The following CELF1 variants were observed in gnomAD, a reference collection of about 807,000 sequenced individuals.
The protein encoded by CELF1 is 50 kDa nuclear polyadenylated RNA-binding protein.
Under a neutral mutation model 61.8 loss-of-function variants are expected in CELF1, and 10 were observed. The ratio of observed to expected loss-of-function variants is 0.16; its 90% confidence interval spans 0.10 to 0.27. The LOEUF (loss-of-function observed/expected upper bound fraction) is 0.27. Among genes scored for constraint, CELF1 ranks in the 10% least tolerant of loss-of-function variants. The pLI, the probability that CELF1 is intolerant of heterozygous loss-of-function variation, is 1.00. For missense variants in CELF1, 380 were observed against 639.1 expected (o/e 0.59, Z 4.37); for synonymous variants, 236 against 225.1 (o/e 1.05, Z -0.43).
At chr11:47,488,644 TACTACTATAAA>T (rs1349724973) in intron 4 of CELF1, among the ~76,000 whole-genome samples, 182 bp downstream of exon 4, 1 of 152,182 alleles carries the variant, frequency 6.6e-6, no homozygotes, top group Non-Finnish European at 1.5e-5. Context: ...TACAAGATAT[TACTACTATAAA>T]AGGACAGATT....
intron 6 of CELF1, among the ~76,000 whole-genome samples, chr11:47,485,799 C>T (rs1290428783): frequency 2.7e-5 from 4 of 149,528 alleles, no homozygotes; most frequent in East Asian, 4.1e-4. Flanking sequence ...CCGGGTGATC[C>T]GCCCGCCGTG....
chr11:47,561,310 G>C (rs1393766962), intron 2 of CELF1, among the ~76,000 whole-genome samples: 1 of 151,498 alleles, frequency 6.6e-6, no homozygotes, highest in Non-Finnish European at 1.5e-5. Flanking sequence ...GGGTGTGGTA[G>C]CGGGCGCCTG....
At chr11:47,518,673 T>A (rs2095688445) in intron 1 of CELF1, among the ~76,000 whole-genome samples, 1 of 152,178 alleles carries the variant, frequency 6.6e-6, no homozygotes, top group Non-Finnish European at 1.5e-5. Flanking sequence ...CAACTCTGCA[T>A]CTCCCCTGCC....
At chr11:47,534,514 A>G (rs2096580403) in intron 1 of CELF1, among the ~76,000 whole-genome samples, 2 of 151,806 alleles carry the variant, frequency 1.3e-5, no homozygotes, top group African/African-American at 4.8e-5. Context: ...ATCACAAGGT[A>G]AGGAGACCGA....
At chr11:47,522,867 G>T (rs1597881317) in intron 1 of CELF1, among the ~76,000 whole-genome samples, 1 of 149,012 alleles carries the variant, frequency 6.7e-6, no homozygotes, top group South Asian at 2.1e-4. Context: ...TAATAAAATA[G>T]GCTTCATTTA....
intron 1 of CELF1, among the ~76,000 whole-genome samples, chr11:47,531,487 T>C (rs2153691212): frequency 6.6e-6 from 1 of 152,194 alleles, no homozygotes; most frequent in South Asian, 2.1e-4. Context: ...GAGAATTGCT[T>C]GAATCTGGGA....
At chr11:47,480,689 C>T (rs1227083675) in intron 9 of CELF1, among the ~76,000 whole-genome samples, 1 of 152,186 alleles carries the variant, frequency 6.6e-6, no homozygotes, top group African/African-American at 2.4e-5. Context: ...TAAAACCTCC[C>T]TGAATTTTCT....
rs568996386 is a variant in CELF1 at position 47,469,399 on chromosome 11, G to A, written c.*2831C>T. The A allele has an allele frequency of 6.6e-6, 1 of 152,406 alleles. No homozygotes were observed. Among genetic ancestry groups the A allele is most frequent in the South Asian group, 2.1e-4 (1 of 4,834 alleles). The allele number at this position is 152,406 out of a possible 1,614,324, so 9.4% of individuals were successfully genotyped here. A position where few individuals can be genotyped will look rare whatever the true frequency, so the allele number is the denominator to read the frequency against. On this transcript the variant is annotated 3_prime_UTR_variant, in exon 15 of 15. Coordinates refer to ENST00000687097, the MANE Select transcript of CELF1 (RefSeq NM_001376376.1). ...GAACCCAGGAGACAGTGGTCTGGCT[G>A]CATTCAAGGCAAATCAATTTCATGA...
In CELF1 at chr11:47,541,702, G is replaced by C. The variant is rs12806829; in HGVS notation, c.-154+11290C>G. ...CGAGACTGTCAAAGAAAGAAAGAAA[G>C]AAAGAAAGAAAGAAAGAAAGAAAGA... On this transcript the variant is annotated intron_variant, in intron 1 of 14. Transcript: ENST00000687097. 5.8e-4 allele frequency among the ~76,000 whole-genome samples: 46 copies of C among 79,640 alleles called. 4 individuals carry two copies. The highest frequency in any genetic ancestry group is 2.4e-3 in the African/African-American group (46 of 19,074). The allele number at this position is 79,640 out of a possible 152,430, so 52.2% of individuals were successfully genotyped here.
At chr11:47,545,867 C>CTGTGTGTGTGTG (rs761587800) in intron 1 of CELF1, among the ~76,000 whole-genome samples, 55 of 121,644 alleles carry the variant, frequency 4.5e-4, no homozygotes, top group East Asian at 2.4e-3. Flanking sequence ...GTGTGTGTGT[C>CTGTGTGTGTGTG]TGCGTGTGTG....
intron 1 of CELF1, among the ~76,000 whole-genome samples, chr11:47,526,252 G>A (rs931830550): frequency 6.6e-5 from 10 of 152,078 alleles, no homozygotes; most frequent in Non-Finnish European, 1.0e-4. Context: ...CCTGGGAAGC[G>A]GAGGTTGCCG....
intron 1 of CELF1, among the ~76,000 whole-genome samples, chr11:47,535,330 A>C (rs1417374132): frequency 3.3e-5 from 5 of 152,100 alleles, no homozygotes; most frequent in Admixed American, 6.6e-5. Flanking sequence ...TTCTATGGAG[A>C]TAAGATATAC....
rs761587800 is a variant in CELF1, at chr11:47,545,867, C to CTGTGTGTGTGTGTG, written c.-154+7124_-154+7125insCACACACACACACA. 5.8e-5 allele frequency among the ~76,000 whole-genome samples: 7 copies of CTGTGTGTGTGTGTG among 121,652 alleles called. No homozygotes were observed. In the East Asian group the frequency reaches 8.1e-4, roughly 14 times the overall value. 79.8% of individuals were successfully genotyped at this position (121,652 alleles called of 152,430 possible). The stretch of plus-strand genomic sequence containing the variant: ...TATGTATACGTGTGTGTGTGTGTGT[C>CTGTGTGTGTGTGTG]TGCGTGTGTGTGTGTGTGTGTGTGT... On this transcript the variant is annotated intron_variant, in intron 1 of 14. Coordinates refer to ENST00000687097, the MANE Select transcript of CELF1 (RefSeq NM_001376376.1).
intron 1 of CELF1, among the ~76,000 whole-genome samples, chr11:47,529,734 C>T (rs1352617801): frequency 6.6e-6 from 1 of 151,856 alleles, no homozygotes; most frequent in East Asian, 1.9e-4. Flanking sequence ...GGCAGGAGAA[C>T]TGCTTAAACC....
At chr11:47,551,621 G>C (rs1182583364) in intron 1 of CELF1, among the ~76,000 whole-genome samples, 2 of 152,208 alleles carry the variant, frequency 1.3e-5, no homozygotes. Flanking sequence ...AACTTCCAAA[G>C]CGCTTGGAGA....
chr11:47,468,956 CAAAGAG>C lies in CELF1; in HGVS notation c.*3268_*3273del, dbSNP rs2077124055. The C allele has an allele frequency of 6.6e-6, 1 of 152,058 alleles. No homozygotes were observed. 9.4% of individuals were successfully genotyped at this position (152,058 alleles called of 1,614,324 possible). On this transcript the variant is annotated 3_prime_UTR_variant, in exon 15 of 15. Coordinates refer to ENST00000687097, the MANE Select transcript of CELF1 (RefSeq NM_001376376.1). ...AGTTACACAGAGCAATACATCCAAA[CAAAGAG>C]AGAGAGAACAGGAACACTCACTGTG...
At chr11:47,509,667 G>A (rs2094900499) in intron 1 of CELF1, among the ~76,000 whole-genome samples, 1 of 152,128 alleles carries the variant, frequency 6.6e-6, no homozygotes, top group South Asian at 2.1e-4. Context: ...GAGGCAGGTG[G>A]ATCACTTAAG....
intron 3 of CELF1, among the ~76,000 whole-genome samples, chr11:47,490,600 A>G (rs2090947794): frequency 6.6e-6 from 1 of 151,660 alleles, no homozygotes; most frequent in Non-Finnish European, 1.5e-5. Context: ...TTAATTTTGT[A>G]TTTTTAGTAG....
At chr11:47,494,478 G>GAGAC (rs1369579989) in intron 3 of CELF1, 8 of 983,880 alleles carry the variant, frequency 8.1e-6, no homozygotes, top group Non-Finnish European at 9.7e-6. Flanking sequence ...CAATTGGGAA[G>GAGAC]AGACACACGA....
Sources: gnomAD v4.1 joint callset for allele counts (sites outside exome capture counted in the v4.1 genomes callset) on GRCh38, gnomAD v4.1.1 for gene constraint, MANE v1.5 for transcripts, NCBI Gene and HGNC (gene_info 2026-07-23, HGNC 2026-07-21) for gene names.